The following NALF1 variants were observed in gnomAD, a reference collection of about 807,000 sequenced individuals.
NALF1 encodes family with sequence similarity 155 member A.
Under a neutral mutation model 48.4 loss-of-function variants are expected in NALF1, and 3 were observed. The observed-to-expected ratio is 0.06, with a 90% confidence interval of 0.03 to 0.16. NALF1 has a LOEUF of 0.16. Among genes scored for constraint, NALF1 ranks in the 10% least tolerant of loss-of-function variants. The pLI is 1.00. For missense variants in NALF1, 526 were observed against 571.5 expected, an observed-to-expected ratio of 0.92 and a Z score of 0.81; for synonymous variants, 262 against 245.7, an observed-to-expected ratio of 1.07 and a Z score of -0.62.
At chr13:107,691,460 G>A (rs1881567804) in intron 1 of NALF1, among the ~76,000 whole-genome samples, 1 of 152,168 alleles carries the variant, frequency 6.6e-6, no homozygotes, top group African/African-American at 2.4e-5. Flanking sequence ...TAAGGATATG[G>A]CCCACACGCC....
rs148926801 is a variant in NALF1, at chr13:107,686,945, C to G, written c.915+178737G>C. ...ACCATTTGACCCAGCAATTCCACTA[C>G]TGGGTATCCATCCAAAAGAAAAGAA... On this transcript the variant is annotated intron_variant, in intron 1 of 2. Coordinates refer to ENST00000375915, the MANE Select transcript of NALF1 (RefSeq NM_001080396.3). Among the ~76,000 whole-genome samples, 482 of 152,296 alleles carry G rather than the reference C, an allele frequency of 3.2e-3. 7 individuals are homozygous for G. Among genetic ancestry groups the G allele is most frequent in the African/African-American group, 0.011 (455 of 41,550 alleles).
chr13:107,725,845 G>A (rs1248115009), intron 1 of NALF1, among the ~76,000 whole-genome samples: 2 of 152,188 alleles, frequency 1.3e-5, no homozygotes, highest in Middle Eastern at 3.2e-3. Flanking sequence ...AGATTACAAG[G>A]AAATTCAACC....
intron 1 of NALF1, among the ~76,000 whole-genome samples, chr13:107,448,083 T>C (rs1884680062): frequency 6.6e-6 from 1 of 152,184 alleles, no homozygotes; most frequent in South Asian, 2.1e-4. Context: ...TCCTCTCTTA[T>C]ATAATGTGTT....
intron 1 of NALF1, among the ~76,000 whole-genome samples, chr13:107,233,993 CAG>C (rs1234844473): frequency 6.6e-6 from 1 of 152,106 alleles, no homozygotes; most frequent in Non-Finnish European, 1.5e-5. Flanking sequence ...ATAGGAGAAA[CAG>C]AACAGCAGTA....
At position 107,701,161 on chromosome 13, in the gene NALF1, A is replaced by G. The variant is rs1409099917; in HGVS notation, c.915+164521T>C. Among the ~76,000 whole-genome samples the G allele has an allele frequency of 2.6e-5, 4 of 152,184 alleles. No individual in the cohort carries two copies. In the South Asian group the frequency reaches 8.3e-4, roughly 31 times the overall value. On this transcript the variant is annotated intron_variant, in intron 1 of 2. Coordinates refer to ENST00000375915, the MANE Select transcript of NALF1 (RefSeq NM_001080396.3). ...CATACCCAAAGGAGATGAAATCACC[A>G]CCTCATAAAGACATCCTTCACTCTC...
At chr13:107,594,135 C>T (rs1419983316) in intron 1 of NALF1, among the ~76,000 whole-genome samples, 1 of 152,042 alleles carries the variant, frequency 6.6e-6, no homozygotes, top group Non-Finnish European at 1.5e-5. Flanking sequence ...GTCCACTCTT[C>T]AATTCATGGA....
At chr13:107,608,149 T>C (rs1385495902) in intron 1 of NALF1, among the ~76,000 whole-genome samples, 2 of 152,232 alleles carry the variant, frequency 1.3e-5, no homozygotes, top group African/African-American at 2.4e-5. Flanking sequence ...GTGTTGGAAG[T>C]AACGTTACGT....
chr13:107,770,137 T>G (rs1011534719), intron 1 of NALF1, among the ~76,000 whole-genome samples: 1 of 152,052 alleles, frequency 6.6e-6, no homozygotes, highest in Non-Finnish European at 1.5e-5. Flanking sequence ...ATGGTCTCGA[T>G]CTCCTGACCT....
intron 1 of NALF1, among the ~76,000 whole-genome samples, chr13:107,663,546 T>C (rs1330882629): frequency 1.3e-5 from 2 of 152,206 alleles, no homozygotes; most frequent in African/African-American, 4.8e-5. Flanking sequence ...TTTTGTTTTG[T>C]TGTCATTGTT....
intron 1 of NALF1, among the ~76,000 whole-genome samples, chr13:107,435,891 T>TGGGG (rs1884456552): frequency 6.6e-6 from 1 of 152,164 alleles, no homozygotes; most frequent in South Asian, 2.1e-4. Flanking sequence ...CTACTTAACC[T>TGGGG]GGGGCTGAGT....
At chr13:107,177,149 T>C (rs530270142) in intron 2 of NALF1, among the ~76,000 whole-genome samples, 39 of 152,180 alleles carry the variant, frequency 2.6e-4, no homozygotes, top group African/African-American at 8.9e-4. Context: ...AGAAAATATC[T>C]ATGACTTAAC....
At chr13:107,258,507 AAATTT>A (rs1880866342) in intron 1 of NALF1, among the ~76,000 whole-genome samples, 1 of 152,208 alleles carries the variant, frequency 6.6e-6, no homozygotes, top group African/African-American at 2.4e-5. Flanking sequence ...TACAATCACA[AAATTT>A]AATTAGGCTA....
intron 1 of NALF1, among the ~76,000 whole-genome samples, chr13:107,562,728 C>G (rs902307777): frequency 1.3e-5 from 2 of 152,170 alleles, no homozygotes; most frequent in African/African-American, 4.8e-5. Flanking sequence ...TTGACTATGC[C>G]TTGTGCTCCT....
intron 1 of NALF1, among the ~76,000 whole-genome samples, chr13:107,827,698 A>C (rs1348439338): frequency 2.0e-5 from 3 of 152,202 alleles, no homozygotes; most frequent in Admixed American, 6.5e-5. Context: ...TTGCCCCACA[A>C]ATCAATAATC....
At chr13:107,715,273 G>T (rs984692008) in intron 1 of NALF1, among the ~76,000 whole-genome samples, 1 of 151,594 alleles carries the variant, frequency 6.6e-6, no homozygotes, top group African/African-American at 2.4e-5. Flanking sequence ...CATGATCTCA[G>T]CTCACAGCAA....
At chr13:107,350,024 C>T (rs973384248) in intron 1 of NALF1, among the ~76,000 whole-genome samples, 17 of 152,110 alleles carry the variant, frequency 1.1e-4, no homozygotes, top group African/African-American at 1.7e-4. Flanking sequence ...CCCTCACATG[C>T]GCAGTTCACA....
chr13:107,174,747 G>C (rs1466798260), intron 2 of NALF1, among the ~76,000 whole-genome samples: 1 of 152,040 alleles, frequency 6.6e-6, no homozygotes, highest in African/African-American at 2.4e-5. Context: ...GAAGGCCAGG[G>C]AGCAGGAGGG....
intron 1 of NALF1, among the ~76,000 whole-genome samples, chr13:107,719,334 T>C (rs796093605): frequency 1.3e-5 from 2 of 152,306 alleles, no homozygotes; most frequent in African/African-American, 4.8e-5. Context: ...ACAAGGCCTT[T>C]CCTGTTTGCC....
intron 1 of NALF1, among the ~76,000 whole-genome samples, chr13:107,727,283 A>C (rs2138532711): frequency 6.6e-6 from 1 of 152,334 alleles, no homozygotes; most frequent in East Asian, 1.9e-4. Flanking sequence ...TGAAAACATT[A>C]AAGTGAGTAA....
Sources: gnomAD v4.1 joint callset for allele counts (sites outside exome capture counted in the v4.1 genomes callset) on GRCh38, gnomAD v4.1.1 for gene constraint, MANE v1.5 for transcripts, NCBI Gene and HGNC (gene_info 2026-07-23, HGNC 2026-07-21) for gene names.